The following LSAMP variants were observed in gnomAD, a reference collection of about 807,000 sequenced individuals.
LSAMP encodes limbic system-associated membrane protein.
LSAMP carries 7 observed loss-of-function variants against 38.6 expected under a neutral mutation model. That is an observed-to-expected ratio of 0.18 (90% CI 0.10 to 0.34). The LOEUF is 0.34. LSAMP is among the 10% of genes least tolerant of loss of function. LSAMP has a pLI of 1.00. For synonymous variants in LSAMP, 154 were observed against 166.8 expected, an observed-to-expected ratio of 0.92 and a Z score of 0.59; for missense variants, 313 against 420.0, an observed-to-expected ratio of 0.75 and a Z score of 2.23.
At chr3:116,330,094 T>C (rs2047828494) in intron 1 of LSAMP, among the ~76,000 whole-genome samples, 1 of 152,112 alleles carries the variant, frequency 6.6e-6, no homozygotes, top group Non-Finnish European at 1.5e-5. Context: ...CAAGAGAGGA[T>C]TCTGGGAAGA....
chr3:115,968,875 C>A (rs1039429675), intron 3 of LSAMP, among the ~76,000 whole-genome samples: 1 of 152,158 alleles, frequency 6.6e-6, no homozygotes, highest in East Asian at 1.9e-4. Flanking sequence ...AGGTTCTGAC[C>A]ACTGGGATGG....
At chr3:115,859,462 G>T (rs945584776) in intron 3 of LSAMP, among the ~76,000 whole-genome samples, 1 of 152,170 alleles carries the variant, frequency 6.6e-6, no homozygotes, top group Non-Finnish European at 1.5e-5. Context: ...GAAGAAAGAG[G>T]CATATGACTG....
intron 1 of LSAMP, among the ~76,000 whole-genome samples, chr3:116,186,313 C>A (rs1384377767): frequency 6.6e-6 from 1 of 152,168 alleles, no homozygotes; most frequent in Admixed American, 6.5e-5. Context: ...CCAATGCCAT[C>A]TCCTCTTGCA....
chr3:115,919,732 C>T (rs1207571261), intron 3 of LSAMP, among the ~76,000 whole-genome samples: 2 of 152,198 alleles, frequency 1.3e-5, no homozygotes, highest in African/African-American at 4.8e-5. Flanking sequence ...TTGCCTCAGC[C>T]TCCCGAGTAG....
intron 3 of LSAMP, among the ~76,000 whole-genome samples, chr3:115,856,584 A>C (rs984262230): frequency 6.6e-6 from 1 of 151,190 alleles, no homozygotes; most frequent in Non-Finnish European, 1.5e-5. Flanking sequence ...GAGCCACTGC[A>C]CTCCAGCCTG....
At chr3:116,152,963 T>A (rs1709645597) in intron 1 of LSAMP, among the ~76,000 whole-genome samples, 1 of 152,058 alleles carries the variant, frequency 6.6e-6, no homozygotes, top group East Asian at 1.9e-4. Flanking sequence ...GTCTCAGCTA[T>A]ACAAATATAT....
At chr3:116,268,922 A>ATC (rs1437971521) in intron 1 of LSAMP, among the ~76,000 whole-genome samples, 1 of 152,178 alleles carries the variant, frequency 6.6e-6, no homozygotes, top group East Asian at 1.9e-4. Context: ...AGATTAAAGA[A>ATC]TCTAGGTAAC....
At chr3:116,273,683 C>CATATAT (rs1553719897) in intron 1 of LSAMP, among the ~76,000 whole-genome samples, 18 of 50,494 alleles carry the variant, frequency 3.6e-4, no homozygotes, top group Non-Finnish European at 4.8e-4. Context: ...GAGAAAGAGG[C>CATATAT]ATATATATAT....
intron 1 of LSAMP, among the ~76,000 whole-genome samples, chr3:116,217,335 T>C (rs1257357975): frequency 1.3e-5 from 2 of 152,226 alleles, no homozygotes; most frequent in Non-Finnish European, 2.9e-5. Flanking sequence ...ATTCACGTTA[T>C]AGAAGAGTGA....
chr3:116,250,630 C>T (rs1299380384), intron 1 of LSAMP, among the ~76,000 whole-genome samples: 1 of 150,600 alleles, frequency 6.6e-6, no homozygotes, highest in Admixed American at 6.6e-5. Context: ...GGGAGGCTGA[C>T]ATGGGTGGAT....
chr3:116,371,283 A>G (rs1576170424), intron 1 of LSAMP, among the ~76,000 whole-genome samples: 2 of 152,320 alleles, frequency 1.3e-5, no homozygotes, highest in East Asian at 3.9e-4. Flanking sequence ...ATGAACATTG[A>G]TGCAAATATC....
chr3:116,225,964 T>A (rs566123622), intron 1 of LSAMP, among the ~76,000 whole-genome samples: 1 of 152,344 alleles, frequency 6.6e-6, no homozygotes, highest in Non-Finnish European at 1.5e-5. Flanking sequence ...TGGCTCTTTT[T>A]GCAACTTATG....
chr3:116,436,499 T>G (rs766163821), intron 1 of LSAMP, among the ~76,000 whole-genome samples: 6 of 151,764 alleles, frequency 4.0e-5, no homozygotes, highest in African/African-American at 9.7e-5. Context: ...AACAAATCAG[T>G]AAGAAAAAAT....
chr3:116,270,292 T>C (rs1422199338), intron 1 of LSAMP, among the ~76,000 whole-genome samples: 1 of 152,022 alleles, frequency 6.6e-6, no homozygotes, highest in African/African-American at 2.4e-5. Context: ...ACAGGAAAAG[T>C]CAATTCCCCT....
intron 6 of LSAMP, among the ~76,000 whole-genome samples, chr3:115,831,417 C>T (rs898795148): frequency 6.6e-6 from 1 of 152,146 alleles, no homozygotes; most frequent in South Asian, 2.1e-4. Context: ...GTTGTTTGCC[C>T]TTGTCTTTGC....
At chr3:116,182,807 AATAG>A (rs1353576477) in intron 1 of LSAMP, among the ~76,000 whole-genome samples, 1 of 151,836 alleles carries the variant, frequency 6.6e-6, no homozygotes, top group Non-Finnish European at 1.5e-5. Flanking sequence ...ACATTCTCAT[AATAG>A]ATATATTTCT....
chr3:116,240,799 A>G (rs1164016486), intron 1 of LSAMP, among the ~76,000 whole-genome samples: 1 of 152,238 alleles, frequency 6.6e-6, no homozygotes, highest in African/African-American at 2.4e-5. Context: ...AAGAGAGCTG[A>G]TAAAACAAAT....
chr3:116,149,124 G>C (rs951954541), intron 1 of LSAMP, among the ~76,000 whole-genome samples: 2 of 151,926 alleles, frequency 1.3e-5, no homozygotes, highest in Admixed American at 1.3e-4. Context: ...CTAGAGAGAG[G>C]GTTCATGTGC....
chr3:116,278,426 A>G (rs1012037672), intron 1 of LSAMP, among the ~76,000 whole-genome samples: 1 of 152,188 alleles, frequency 6.6e-6, no homozygotes, highest in African/African-American at 2.4e-5. Flanking sequence ...TCCTCAATTC[A>G]TAATATCATA....
Sources: gnomAD v4.1 joint callset for allele counts (sites outside exome capture counted in the v4.1 genomes callset) on GRCh38, gnomAD v4.1.1 for gene constraint, MANE v1.5 for transcripts, NCBI Gene and HGNC (gene_info 2026-07-23, HGNC 2026-07-21) for gene names.